Variants in WDR62 observed in about 807,000 individuals in gnomAD.
WDR62 encodes the protein WD repeat domain 62.
WDR62 carries 112 observed loss-of-function variants against 160.6 expected under a neutral mutation model. That is an observed-to-expected ratio of 0.70 (90% CI 0.60 to 0.82). The LOEUF is 0.82. Among genes scored for constraint, WDR62 ranks in the 40% least tolerant of loss-of-function variants. The pLI is 0.00. For synonymous variants in WDR62, 792 were observed against 815.1 expected (o/e 0.97, Z 0.48); for missense variants, 1,819 against 1,983.8 (o/e 0.92, Z 1.58).
At chr19:36,071,217 AT>A in intron 7 of WDR62, 2 of 276,718 alleles carry the variant, frequency 7.2e-6, no homozygotes, top group East Asian at 8.9e-5. Flanking sequence ...AAAAAAAAAA[AT>A]TTAAGCCTAA....
At chr19:36,098,616 G>A (rs1166819609) in intron 21 of WDR62, among the ~76,000 whole-genome samples, 1 of 151,948 alleles carries the variant, frequency 6.6e-6, no homozygotes, top group Non-Finnish European at 1.5e-5. Flanking sequence ...GAATAAGAGA[G>A]GTGAATGAAG....
intron 21 of WDR62, among the ~76,000 whole-genome samples, chr19:36,097,626 G>A (rs1285991737): frequency 6.6e-6 from 1 of 152,154 alleles, no homozygotes; most frequent in Non-Finnish European, 1.5e-5. Flanking sequence ...GTTCATGCCT[G>A]TGATCCCAGC....
At chr19:36,093,909 C>T in intron 19 of WDR62, 122 bp from the exon 20 acceptor site, 1 of 1,259,376 alleles carries the variant, frequency 7.9e-7, no homozygotes, top group Non-Finnish European at 1.2e-6. Flanking sequence ...CCAGCACCAT[C>T]TTGACCAGCA....
chr19:36,092,597 G>A, intron 18 of WDR62, 92 bp from the exon 19 acceptor site: 1 of 1,560,282 alleles, frequency 6.4e-7, no homozygotes, highest in Non-Finnish European at 8.8e-7. Flanking sequence ...TGGGGTCCAG[G>A]CTGTGGTGTG....
chr19:36,100,877 TGGGTGTCCTTTCCACCAAGGGAGCCTTA>T lies in WDR62; in HGVS notation c.2867+4_2867+31del. 6.2e-7 allele frequency: 1 copy of T among 1,614,166 alleles called. No homozygotes were observed. The highest frequency in any genetic ancestry group is 8.5e-7 in the Non-Finnish European group (1 of 1,180,006). ...AGTGACAGTCACAGGGACAGACAGG[TGGGTGTCCTTTCCACCAAGGGAGCCTTA>T]GTTGGAGGAACCCCCAGCTGATAGC... On this transcript the variant is annotated splice_donor_5th_base_variant and intron_variant, in intron 23 of 31. Transcript: ENST00000401500.
chr19:36,076,156 G>C (rs538464246), intron 9 of WDR62, among the ~76,000 whole-genome samples: 2 of 152,102 alleles, frequency 1.3e-5, no homozygotes, highest in African/African-American at 2.4e-5. Context: ...CATGACCCTA[G>C]TATTTCTTGA....
At chr19:36,105,762 G>A (rs192222969), downstream of WDR62, among the ~76,000 whole-genome samples, 6 of 152,192 alleles carry the variant, frequency 3.9e-5, no homozygotes, top group Non-Finnish European at 5.9e-5. Context: ...GCAGTGGTGC[G>A]ATCTTGGCTC....
chr19:36,083,041 C>T (rs1178450259), intron 10 of WDR62, 22 bp from the exon 11 acceptor site: 6 of 1,605,938 alleles, frequency 3.7e-6, no homozygotes, highest in South Asian at 2.2e-5. Flanking sequence ...TCGTGCTGAC[C>T]TCAGCCCTGT....
downstream of WDR62, among the ~76,000 whole-genome samples, chr19:36,108,359 C>T (rs1008963461): frequency 6.6e-6 from 1 of 151,680 alleles, no homozygotes; most frequent in African/African-American, 2.4e-5. Flanking sequence ...ACTGCAACTC[C>T]CCCCCTGCTT....
At chr19:36,071,475 A>G (rs1423743366) in intron 7 of WDR62, 81 bp from the exon 8 acceptor site, 5 of 1,557,520 alleles carry the variant, frequency 3.2e-6, no homozygotes, top group Non-Finnish European at 4.4e-6. Flanking sequence ...TGGAGGCCTA[A>G]GGCTGCTCTG....
chr19:36,067,816 C>CT lies in WDR62; in HGVS notation c.700-11dup. On this transcript the variant is annotated splice_polypyrimidine_tract_variant and intron_variant, in intron 6 of 31. Transcript: ENST00000401500. ...GTGGACAAGTATCTCACTACGCCCTCTGTGTCTCCAGGTGACGAGCACAGT... is the reference window on the plus strand; with the variant it reads ...GTGGACAAGTATCTCACTACGCCCTCTTGTGTCTCCAGGTGACGAGCACAGT... 6.2e-7 allele frequency: 1 copy of CT among 1,613,770 alleles called. No individual in the cohort carries two copies. Among genetic ancestry groups the CT allele is most frequent in the South Asian group, 1.1e-5 (1 of 91,078 alleles).
intron 3 of WDR62, chr19:36,062,730 T>C (rs1970724310): frequency 6.6e-6 from 1 of 151,308 alleles, no homozygotes; most frequent in South Asian, 2.1e-4. Context: ...ATGACAATCT[T>C]TTTAAACTGT....
At chr19:36,068,035 G>T (rs1237635050) in intron 7 of WDR62, 25 bp downstream of exon 7, 1 of 1,607,266 alleles carries the variant, frequency 6.2e-7, no homozygotes, top group Non-Finnish European at 8.5e-7. Context: ...TCTGCCATCA[G>T]CTGGACAGAC....
rs774177593 is a variant in WDR62, at chr19:36,104,896, G to A, written c.4440G>A (p.Gln1480=). ...CLVGTSVAPA[Q]ALPSPGPPSP... ...TGGGGACTAGTGTGGCCCCAGCCCA[G>A]GCTCTGCCCAGCCCAGGACCCCCGT... The change falls in exon 32 of 32, where the codon CAG becomes CAA. Residue 1480 remains glutamine, a synonymous_variant. Coordinates refer to ENST00000401500, the MANE Select transcript of WDR62 (RefSeq NM_001083961.2). 4 of 1,611,650 alleles carry A rather than the reference G, an allele frequency of 2.5e-6. No homozygotes were observed. In the South Asian group the frequency reaches 4.4e-5, roughly 18 times the overall value.
intron 11 of WDR62, among the ~76,000 whole-genome samples, chr19:36,083,649 C>A (rs916632535): frequency 6.6e-6 from 1 of 152,078 alleles, no homozygotes; most frequent in Non-Finnish European, 1.5e-5. Flanking sequence ...TGCTTATGTG[C>A]CCTGTTGAGG....
chr19:36,090,486 A>G lies in WDR62; in HGVS notation c.2000A>G (p.Lys667Arg), dbSNP rs765613365. 25 of 1,613,990 alleles carry G rather than the reference A, an allele frequency of 1.5e-5. No individual in the cohort carries two copies. The highest frequency in any genetic ancestry group is 2.2e-5 in the East Asian group (1 of 44,886). Residue 667 changes from lysine to arginine, a missense_variant, in exon 16 of 32, where the codon AAG becomes AGG. By Grantham distance (26) the Lys-to-Arg change is conservative. Transcript: ENST00000401500. ...AACGGGAAGCAGAAGAAGTGCTACAAGGGCTCCCAGGGTGACGAAGGGTCC... is the reference window on the plus strand; with the variant it reads ...AACGGGAAGCAGAAGAAGTGCTACAGGGGCTCCCAGGGTGACGAAGGGTCC... ...TVNGKQKKCY[K>R]GSQGDEGSLL...
At position 36,080,963 on chromosome 19, in the gene WDR62, G is replaced by C. The variant is rs571646653; in HGVS notation, c.1234-470G>C. On this transcript the variant is annotated intron_variant, in intron 9 of 31. Transcript: ENST00000401500. Reference sequence around the variant, plus strand: ...TTTTTATTTTGTTTTTGGTTTGTCTGTCTGTTTGTTTTGAGACACAGTCTC... The same window carrying C: ...TTTTTATTTTGTTTTTGGTTTGTCTCTCTGTTTGTTTTGAGACACAGTCTC... 1.7e-3 allele frequency among the ~76,000 whole-genome samples: 262 copies of C among 152,128 alleles called. 2 individuals are homozygous for C. Among genetic ancestry groups the C allele is most frequent in the African/African-American group, 6.3e-3 (260 of 41,466 alleles).
chr19:36,094,319 C>T (rs1376204423), intron 20 of WDR62, among the ~76,000 whole-genome samples, 155 bp downstream of exon 20: 2 of 151,862 alleles, frequency 1.3e-5, no homozygotes, highest in Non-Finnish European at 2.9e-5. Flanking sequence ...TTTGGGAGGC[C>T]GAGGTGGGTG....
chr19:36,062,669 A>AC (rs1305682588), intron 3 of WDR62: 1 of 151,230 alleles, frequency 6.6e-6, no homozygotes, highest in African/African-American at 2.4e-5. Context: ...AAAAAAAAAA[A>AC]AAAAAACTTA....
Sources: allele counts gnomAD v4.1 joint callset (sites outside exome capture counted in the v4.1 genomes callset), GRCh38; gene constraint gnomAD v4.1.1; transcripts MANE v1.5; gene names NCBI Gene and HGNC (gene_info 2026-07-23, HGNC 2026-07-21).